Variants in DEPDC1 observed in about 807,000 individuals in gnomAD.
DEPDC1 encodes DEP domain-containing protein 1A.
DEPDC1 carries 66 observed loss-of-function variants against 86.8 expected under a neutral mutation model. That is an observed-to-expected ratio of 0.76 (90% confidence interval 0.62 to 0.93). The LOEUF (loss-of-function observed/expected upper bound fraction) is 0.93, where lower values mean the gene tolerates loss of function less well. Ranked by LOEUF, DEPDC1 falls within the 40% of genes least tolerant of loss-of-function variation. The pLI is 0.00. For synonymous variants in DEPDC1, 255 were observed against 314.9 expected, an observed-to-expected ratio of 0.81 and a Z score of 2.02; for missense variants, 792 against 935.7, an observed-to-expected ratio of 0.85 and a Z score of 2.00.
chr1:68,486,957 GC>G lies in DEPDC1; in HGVS notation c.748del (p.Ala250ProfsTer2). ...CTTACAATTTGCTAGGCACTTCATG[GC>G]AGATAATACCCAGTGAGGGAGGTCA... ...SDDLPHWVLS[A>X]MKCLANWPRS... On this transcript the variant is annotated frameshift_variant, in exon 6 of 12. Transcript: ENST00000456315. LOFTEE classifies it high-confidence loss of function. The G allele has an allele frequency of 6.9e-6, 11 of 1,595,168 alleles. No homozygotes were observed. Among genetic ancestry groups the G allele is most frequent in the Non-Finnish European group, 9.4e-6 (11 of 1,172,140 alleles).
At chr1:68,483,747 G>A (rs1646173795) in intron 7 of DEPDC1, among the ~76,000 whole-genome samples, 1 of 152,022 alleles carries the variant, frequency 6.6e-6, no homozygotes, top group South Asian at 2.1e-4. Flanking sequence ...GAATTATTGA[G>A]TCTGGTAGGG....
chr1:68,476,971 C>T lies in DEPDC1; in HGVS notation c.2397G>A (p.Met799Ile). The change falls in exon 12 of 12, where the codon ATG becomes ATA. Residue 799 changes from methionine to isoleucine, a missense_variant. Met to Ile is a conservative substitution (Grantham distance 10). Transcript: ENST00000456315. ...FGDKPTIKQP[M>I]LILRKPKFRS... ...GGAACTTTGGTTTTCTTAAAATCAG[C>T]ATTGGTTGCTTGATTGTAGGTTTGT... is the stretch of plus-strand genomic sequence containing the variant. The T allele has an allele frequency of 1.2e-6, 2 of 1,604,532 alleles. No individual in the cohort carries two copies. The highest frequency in any genetic ancestry group is 1.7e-6 in the Non-Finnish European group (2 of 1,175,856).
intron 9 of DEPDC1, among the ~76,000 whole-genome samples, chr1:68,480,257 CACA>C (rs879373700): frequency 0.13 from 7,965 of 60,010 alleles, 237 homozygotes; most frequent in Middle Eastern, 0.19. Flanking sequence ...CTGTACCACA[CACA>C]CACACACACA....
At position 68,496,499 on chromosome 1, in the gene DEPDC1, A is replaced by G. The variant is rs1025194534; in HGVS notation, c.48+453T>C. On this transcript the variant is annotated intron_variant, in intron 1 of 11. Coordinates refer to ENST00000456315, the MANE Select transcript of DEPDC1 (RefSeq NM_001114120.3). This position sits in a 1 kb window ranked among gnomAD's most constrained non-coding sequence, Gnocchi z 4.0. The stretch of plus-strand genomic sequence containing the variant: ...ATTCGGCCGATACATCCTGCGTTAA[A>G]TTCTATGGGTTCAATAAACAAAATT... Among the ~76,000 whole-genome samples, 4 of 152,220 alleles carry G rather than the reference A, an allele frequency of 2.6e-5. No homozygotes were observed. The highest frequency in any genetic ancestry group is 9.7e-5 in the African/African-American group (4 of 41,446).
At chr1:68,485,164 T>TCACA (rs57417497) in intron 6 of DEPDC1, among the ~76,000 whole-genome samples, 27 of 149,462 alleles carry the variant, frequency 1.8e-4, no homozygotes, top group East Asian at 4.0e-4. Flanking sequence ...AGAAAACAAT[T>TCACA]CACACACACA....
chr1:68,479,006 G>GGTTC, intron 10 of DEPDC1, 138 bp downstream of exon 10: 1 of 664,110 alleles, frequency 1.5e-6, no homozygotes, highest in East Asian at 2.8e-5. Flanking sequence ...TTGAGTCCCA[G>GGTTC]ATTCTGTCTA....
intron 6 of DEPDC1, among the ~76,000 whole-genome samples, chr1:68,485,396 G>A (rs1179394706): frequency 6.6e-6 from 1 of 151,990 alleles, no homozygotes; most frequent in Non-Finnish European, 1.5e-5. Context: ...CTAAGCTTTG[G>A]CTTTCTCTGT....
chr1:68,486,286 C>T (rs1403637894), intron 6 of DEPDC1, among the ~76,000 whole-genome samples: 2 of 151,850 alleles, frequency 1.3e-5, no homozygotes, highest in East Asian at 1.9e-4. Context: ...TTTAAAAGTG[C>T]GTACCACCTC....
chr1:68,481,315 C>A, intron 9 of DEPDC1, 125 bp downstream of exon 9: 1 of 850,404 alleles, frequency 1.2e-6, no homozygotes. Flanking sequence ...GTTAAAGAGC[C>A]TTTCCAACCT....
intron 6 of DEPDC1, among the ~76,000 whole-genome samples, chr1:68,484,989 A>G (rs1157764870): frequency 6.6e-6 from 1 of 151,566 alleles, no homozygotes; most frequent in Non-Finnish European, 1.5e-5. Flanking sequence ...GAATCTCTGG[A>G]GAGTCTCTTT....
In DEPDC1 at chr1:68,482,180, G is replaced by A; in HGVS notation, c.1628C>T (p.Thr543Ile). ...IMKPNVGQGSTSVQTAMESEL... is the reference protein window; with the variant it reads ...IMKPNVGQGSISVQTAMESEL... ...ACTTTCCATAGCTGTTTGCACACTT[G>A]TGCTGCCTTGTCCAACATTTGGTTT... The change falls in exon 8 of 12, where the codon ACA becomes ATA. Residue 543 changes from threonine to isoleucine, a missense_variant. Physicochemically the swap from Thr to Ile is moderately conservative, Grantham distance 89. Coordinates refer to ENST00000456315, the MANE Select transcript of DEPDC1 (RefSeq NM_001114120.3). 6.2e-7 allele frequency: 1 copy of A among 1,612,942 alleles called. No homozygotes were observed.
chr1:68,483,507 C>A, intron 7 of DEPDC1: 1 of 330,530 alleles, frequency 3.0e-6, no homozygotes, highest in South Asian at 2.4e-5. Flanking sequence ...AATTAAACTT[C>A]AATTAAAACT....
chr1:68,488,747 C>G (rs1182183149), intron 4 of DEPDC1, among the ~76,000 whole-genome samples, 169 bp downstream of exon 4: 1 of 151,756 alleles, frequency 6.6e-6, no homozygotes, highest in Non-Finnish European at 1.5e-5. Flanking sequence ...CATTCAATTT[C>G]TACTCTACTA....
chr1:68,478,810 A>G (rs1646134391), intron 10 of DEPDC1, among the ~76,000 whole-genome samples: 1 of 152,024 alleles, frequency 6.6e-6, no homozygotes, highest in Admixed American at 6.6e-5. Context: ...CTATGCTAAG[A>G]GTCTACATCC....
rs1646272546 is a variant in DEPDC1 at position 68,497,074 on chromosome 1, T to C, written c.-75A>G. 1 of 1,529,536 alleles carries C rather than the reference T, an allele frequency of 6.5e-7. No individual in the cohort carries two copies. Among genetic ancestry groups the C allele is most frequent in the Non-Finnish European group, 9.0e-7 (1 of 1,108,528 alleles). 94.7% of individuals were successfully genotyped at this position (1,529,536 alleles called of 1,614,324 possible). A position where few individuals can be genotyped will look rare whatever the true frequency, so the allele number is the denominator to read the frequency against. On this transcript the variant is annotated 5_prime_UTR_variant, in exon 1 of 12. Coordinates refer to ENST00000456315, the MANE Select transcript of DEPDC1 (RefSeq NM_001114120.3). ...GCCCAGCGGCCGCGGCAGTGGCGAG[T>C]CTCGGCACAACCGTTGGCCCCGCCG...
Position 68,484,107 on chromosome 1 carries a change from A to G in DEPDC1, c.770-17T>C. 2 of 1,516,516 alleles carry G rather than the reference A, an allele frequency of 1.3e-6. No individual in the cohort carries two copies. Among genetic ancestry groups the G allele is most frequent in the Non-Finnish European group, 1.8e-6 (2 of 1,134,576 alleles). 93.9% of individuals were successfully genotyped at this position (1,516,516 alleles called of 1,614,324 possible). On this transcript the variant is annotated splice_polypyrimidine_tract_variant and intron_variant, in intron 6 of 11. Coordinates refer to ENST00000456315, the MANE Select transcript of DEPDC1 (RefSeq NM_001114120.3). Reference sequence around the variant, plus strand: ...TTCTTGGCCCTAAGAAGTAGAAGGCAAGAGAAAAAGGTAAAGTATATTTTA... The same window carrying G: ...TTCTTGGCCCTAAGAAGTAGAAGGCGAGAGAAAAAGGTAAAGTATATTTTA...
intron 5 of DEPDC1, among the ~76,000 whole-genome samples, chr1:68,487,449 A>T (rs1449258388): frequency 6.6e-6 from 1 of 151,958 alleles, no homozygotes; most frequent in African/African-American, 2.4e-5. Flanking sequence ...GTTTGCTTAA[A>T]ATCTTTCGAG....
intron 9 of DEPDC1, among the ~76,000 whole-genome samples, chr1:68,480,905 T>C (rs905084437): frequency 2.6e-5 from 4 of 152,036 alleles, no homozygotes; most frequent in Non-Finnish European, 5.9e-5. Context: ...CAAGAGTTCA[T>C]TTCCAATCAA....
At position 68,476,782 on chromosome 1, in the gene DEPDC1, C is replaced by T. The variant is rs1279595059; in HGVS notation, c.*150G>A. On this transcript the variant is annotated 3_prime_UTR_variant, in exon 12 of 12. Coordinates refer to ENST00000456315, the MANE Select transcript of DEPDC1 (RefSeq NM_001114120.3). ...TCTAGTTAGTTTCCTAAGAGTCTCA[C>T]ATTGATAACTATTTTGGCACTTCCT... is the stretch of plus-strand genomic sequence containing the variant. 2 of 614,690 alleles carry T rather than the reference C, an allele frequency of 3.3e-6. No individual in the cohort carries two copies. The highest frequency in any genetic ancestry group is 5.3e-6 in the Non-Finnish European group (2 of 375,360). The allele number at this position is 614,690 out of a possible 1,614,324, so 38.1% of individuals were successfully genotyped here.
Sources: gnomAD v4.1 joint callset for allele counts (sites outside exome capture counted in the v4.1 genomes callset) on GRCh38, gnomAD v4.1.1 for gene constraint, Gnocchi (gnomAD v3.1) non-coding constraint, MANE v1.5 for transcripts, NCBI Gene and HGNC (gene_info 2026-07-23, HGNC 2026-07-21) for gene names.